Variants in PCDHGA4 observed in about 807,000 individuals in gnomAD.
PCDHGA4 encodes protocadherin gamma-A4.
PCDHGA4 carries 38 observed loss-of-function variants against 54.6 expected under a neutral mutation model. That is an observed-to-expected ratio of 0.70 (90% CI 0.54 to 0.91). PCDHGA4 has a LOEUF of 0.91. PCDHGA4 is among the 40% of genes least tolerant of loss of function. PCDHGA4 has a pLI of 0.00. For missense variants in PCDHGA4, 1,298 were observed against 1,220.9 expected, an observed-to-expected ratio of 1.06 and a Z score of -0.94; for synonymous variants, 511 against 512.9, an observed-to-expected ratio of 1.00 and a Z score of 0.05.
intron 1 of PCDHGA4, chr5:141,428,419 C>G: frequency 4.4e-6 from 2 of 451,920 alleles, no homozygotes; most frequent in Non-Finnish European, 4.1e-6. Flanking sequence ...TCACCCTGGT[C>G]TCTGTTCTAA....
chr5:141,371,249 C>A, intron 1 of PCDHGA4: 1 of 1,613,988 alleles, frequency 6.2e-7, no homozygotes, highest in Admixed American at 1.7e-5. Flanking sequence ...TCAATATTGG[C>A]AAGGAAGTGA....
At position 141,356,815 on chromosome 5, in the gene PCDHGA4, G is replaced by C; in HGVS notation, c.1708G>C (p.Asp570His). 6.2e-7 allele frequency: 1 copy of C among 1,614,066 alleles called. No homozygotes were observed. The highest frequency in any genetic ancestry group is 8.5e-7 in the Non-Finnish European group (1 of 1,179,944). Reference sequence around the variant, plus strand: ...GCTGATGACAGCCAGTGACAGTGGAGACCCTCCACTCAGCAGCAATGTGTC... The same window carrying C: ...GCTGATGACAGCCAGTGACAGTGGACACCCTCCACTCAGCAGCAATGTGTC... ...QLLMTASDSG[D>H]PPLSSNVSLS... The change falls in exon 1 of 4, where the codon GAC becomes CAC. Residue 570 changes from aspartate to histidine, a missense_variant. Asp to His is a moderately conservative substitution (Grantham distance 81). Coordinates refer to ENST00000571252, the MANE Select transcript of PCDHGA4 (RefSeq NM_018917.4).
chr5:141,505,345 G>A (rs776607130), intron 2 of PCDHGA4, 48 bp from the exon 3 acceptor site: 13 of 1,613,086 alleles, frequency 8.1e-6, no homozygotes, highest in Non-Finnish European at 1.1e-5. Flanking sequence ...AGGGGCATGA[G>A]CTGTGCCGGC....
chr5:141,472,505 A>G (rs1041224118), intron 1 of PCDHGA4, among the ~76,000 whole-genome samples: 4 of 152,004 alleles, frequency 2.6e-5, no homozygotes, highest in African/African-American at 7.3e-5. Context: ...GTGCCACTGC[A>G]CTCCAGCCTG....
chr5:141,431,876 GA>G lies in PCDHGA4; in HGVS notation c.2515-62930del. 6.2e-7 allele frequency: 1 copy of G among 1,614,188 alleles called. No individual in the cohort carries two copies. Among genetic ancestry groups the G allele is most frequent in the Non-Finnish European group, 8.5e-7 (1 of 1,180,008 alleles). On this transcript the variant is annotated intron_variant, in intron 1 of 3. Transcript: ENST00000571252. The surrounding 1 kb of genome is among the most constrained non-coding windows in gnomAD (Gnocchi z 4.8). ...ATTAATTGCCCTTTTAAATGTAAATGACCAAGATTCTGAGGAAAACGGACAG... is the reference window on the plus strand; with the variant it reads ...ATTAATTGCCCTTTTAAATGTAAATGCCAAGATTCTGAGGAAAACGGACAG...
At position 141,431,335 on chromosome 5, in the gene PCDHGA4, C is replaced by A. The variant is rs747132346; in HGVS notation, c.2515-63472C>A. On this transcript the variant is annotated intron_variant, in intron 1 of 3. Transcript: ENST00000571252. This position sits in a 1 kb window ranked among gnomAD's most constrained non-coding sequence, Gnocchi z 4.8. ...ATGGAGCCGACGGTAGTAAGTACCCCGAATTGGTGCTGAAACGCGCCCTGG... is the reference window on the plus strand; with the variant it reads ...ATGGAGCCGACGGTAGTAAGTACCCAGAATTGGTGCTGAAACGCGCCCTGG... 11 of 1,613,944 alleles carry A rather than the reference C, an allele frequency of 6.8e-6. No homozygotes were observed. The Admixed American group carries it at 1.5e-4, about 22-fold the overall frequency.
intron 1 of PCDHGA4, among the ~76,000 whole-genome samples, chr5:141,443,781 C>CA (rs1227271563): frequency 8.6e-5 from 13 of 150,636 alleles, no homozygotes; most frequent in South Asian, 2.1e-4. Flanking sequence ...ACCAAAAAGA[C>CA]AAAAAAAATG....
At chr5:141,393,491 G>C in intron 1 of PCDHGA4, 1 of 1,614,026 alleles carries the variant, frequency 6.2e-7, no homozygotes, top group Non-Finnish European at 8.5e-7. Flanking sequence ...CTAGCACAGT[G>C]CGCATCCACG....
chr5:141,382,880 G>A, intron 1 of PCDHGA4: 1 of 1,526,962 alleles, frequency 6.5e-7, no homozygotes, highest in Non-Finnish European at 8.8e-7. Context: ...CGGCGCCTAA[G>A]CAAGAGAAGC....
intron 1 of PCDHGA4, chr5:141,427,790 C>A: frequency 1.3e-6 from 2 of 1,482,222 alleles, no homozygotes; most frequent in Non-Finnish European, 1.9e-6. Context: ...TGTCGTCCTA[C>A]GTGTCCGTGA....
intron 1 of PCDHGA4, chr5:141,362,371 G>A (rs1016730976): frequency 1.4e-5 from 22 of 1,614,012 alleles, no homozygotes; most frequent in Non-Finnish European, 1.8e-5. Flanking sequence ...TTACAGTGAG[G>A]GTACATTGCC....
chr5:141,466,206 T>C (rs2099118813), intron 1 of PCDHGA4, among the ~76,000 whole-genome samples: 1 of 152,126 alleles, frequency 6.6e-6, no homozygotes, highest in Admixed American at 6.5e-5. Flanking sequence ...AGCCTTGCTC[T>C]GTTACCCAGG....
intron 1 of PCDHGA4, chr5:141,413,717 A>C: frequency 6.2e-7 from 1 of 1,613,382 alleles, no homozygotes; most frequent in Non-Finnish European, 8.5e-7. Flanking sequence ...CCCAATAAGC[A>C]CTTCTCCCTA....
chr5:141,438,721 G>A (rs886300746), intron 1 of PCDHGA4, among the ~76,000 whole-genome samples: 30 of 148,304 alleles, frequency 2.0e-4, no homozygotes, highest in Non-Finnish European at 7.4e-5. Flanking sequence ...AGTGCAAGTG[G>A]TGTGATCTCA....
rs200464357 is a variant in PCDHGA4 at position 141,489,983 on chromosome 5, G to A, written c.2515-4824G>A. 4.5e-5 allele frequency: 73 copies of A among 1,614,172 alleles called. No homozygotes were observed. Among genetic ancestry groups the A allele is most frequent in the Middle Eastern group, 3.3e-4 (2 of 6,062 alleles). ...CCAACCTTCCAATCCTCAGTTCTAC[G>A]TGTGGGAATCCCAGAGAATGCACCC... On this transcript the variant is annotated intron_variant, in intron 1 of 3. Coordinates refer to ENST00000571252, the MANE Select transcript of PCDHGA4 (RefSeq NM_018917.4). This position sits in a 1 kb window ranked among gnomAD's most constrained non-coding sequence, Gnocchi z 4.5.
intron 1 of PCDHGA4, chr5:141,364,225 G>T (rs1763227856): frequency 2.9e-6 from 4 of 1,362,414 alleles, no homozygotes; most frequent in Non-Finnish European, 3.9e-6. Flanking sequence ...AAAAGCCAAC[G>T]CTCCACGCCC....
In PCDHGA4 at chr5:141,489,094, G is replaced by T; in HGVS notation, c.2515-5713G>T. The T allele has an allele frequency of 1.5e-5, 6 of 395,994 alleles. No homozygotes were observed. The highest frequency in any genetic ancestry group is 4.1e-5 in the East Asian group (1 of 24,388). The allele number at this position is 395,994 out of a possible 1,614,324, so 24.5% of individuals were successfully genotyped here. ...CCCACCCCCGCCACTCGGTGACTAA[G>T]AACTGCTGCAAGCAGGCAAACCTCC... On this transcript the variant is annotated intron_variant, in intron 1 of 3. Coordinates refer to ENST00000571252, the MANE Select transcript of PCDHGA4 (RefSeq NM_018917.4). This position sits in a 1 kb window ranked among gnomAD's most constrained non-coding sequence, Gnocchi z 4.5.
chr5:141,371,485 C>T, intron 1 of PCDHGA4: 1 of 1,613,980 alleles, frequency 6.2e-7, no homozygotes, highest in South Asian at 1.1e-5. Context: ...GAGCTGGGGA[C>T]TGCCGTTGCC....
At position 141,357,108 on chromosome 5, in the gene PCDHGA4, C is replaced by G; in HGVS notation, c.2001C>G (p.Asp667Glu). The G allele has an allele frequency of 5.6e-6, 9 of 1,613,824 alleles. No homozygotes were observed. The highest frequency in any genetic ancestry group is 7.6e-6 in the Non-Finnish European group (9 of 1,179,926). ...VRTARALLDR[D>E]ALKQRLVVVV... ...CCGCACGGGCCCTGCTGGACAGAGA[C>G]GCGCTCAAGCAGAGGCTTGTAGTGG... Residue 667 changes from aspartate to glutamate, a missense_variant, in exon 1 of 4, where the codon GAC becomes GAG. Asp to Glu is a conservative substitution (Grantham distance 45, BLOSUM62 2). Coordinates refer to ENST00000571252, the MANE Select transcript of PCDHGA4 (RefSeq NM_018917.4).
Sources: gnomAD v4.1 joint callset for allele counts (sites outside exome capture counted in the v4.1 genomes callset) on GRCh38, gnomAD v4.1.1 for gene constraint, Gnocchi (gnomAD v3.1) non-coding constraint, MANE v1.5 for transcripts, NCBI Gene and HGNC (gene_info 2026-07-23, HGNC 2026-07-21) for gene names.